The following KRABD5 variants were observed in gnomAD, a reference collection of about 807,000 sequenced individuals.
KRABD5 encodes KRAB domain containing 5.
At chr16:31,715,793 C>T in the KRABD5 span, among the ~76,000 whole-genome samples, 1 of 152,116 alleles carries the variant, frequency 6.6e-6, no homozygotes, top group African/African-American at 2.4e-5. Flanking sequence ...AAACTCCACA[C>T]AGTGTCATAA....
At chr16:31,757,087 GAGA>G in the KRABD5 span, 3 of 152,248 alleles carry the variant, frequency 2.0e-5, no homozygotes, top group African/African-American at 7.2e-5. Flanking sequence ...TGATTCATGT[GAGA>G]AGAATTATAT....
At chr16:31,738,730 T>G in the KRABD5 span, among the ~76,000 whole-genome samples, 1 of 152,126 alleles carries the variant, frequency 6.6e-6, no homozygotes. Flanking sequence ...TTGTTTTGGG[T>G]TTTGTATCTA....
At chr16:31,739,884 C>T in the KRABD5 span, among the ~76,000 whole-genome samples, 5 of 152,218 alleles carry the variant, frequency 3.3e-5, no homozygotes, top group Non-Finnish European at 7.3e-5. Flanking sequence ...ATTCTTAAAC[C>T]ACAAACAGTA....
chr16:31,755,725 G>A, the KRABD5 span: 11 of 374,912 alleles, frequency 2.9e-5, no homozygotes, highest in South Asian at 2.2e-4. Flanking sequence ...TATAGTTGTA[G>A]TAAATGTGAA....
chr16:31,723,350 C>A, the KRABD5 span: 2 of 1,611,090 alleles, frequency 1.2e-6, no homozygotes, highest in South Asian at 2.2e-5. Flanking sequence ...AGCCATCCAG[C>A]CAGGTAGGTG....
the KRABD5 span, among the ~76,000 whole-genome samples, chr16:31,732,224 AC>A: frequency 2.6e-5 from 4 of 152,164 alleles, no homozygotes; most frequent in African/African-American, 9.7e-5. Flanking sequence ...AGAAATTGTG[AC>A]CTGGATTGCA....
the KRABD5 span, among the ~76,000 whole-genome samples, chr16:31,722,064 GTTTT>G: frequency 8.7e-6 from 1 of 115,256 alleles, no homozygotes; most frequent in Non-Finnish European, 1.7e-5. Context: ...TTAGTTTTTT[GTTTT>G]TTGTTTTTTT....
chr16:31,734,731 C>T, the KRABD5 span, among the ~76,000 whole-genome samples: 1 of 151,314 alleles, frequency 6.6e-6, no homozygotes, highest in Non-Finnish European at 1.5e-5. Flanking sequence ...CTTATATCAG[C>T]TTTTTTTTCC....
chr16:31,749,088 C>T, the KRABD5 span, among the ~76,000 whole-genome samples: 2 of 152,236 alleles, frequency 1.3e-5, no homozygotes, highest in East Asian at 1.9e-4. Context: ...TCCACAGAGA[C>T]TGTTGTCACC....
At chr16:31,750,717 G>GT in the KRABD5 span, among the ~76,000 whole-genome samples, 3,158 of 147,272 alleles carry the variant, frequency 0.021, 54 homozygotes, top group Middle Eastern at 0.066. Context: ...TTGTTGAGGG[G>GT]TTTTTTTTTT....
the KRABD5 span, chr16:31,722,534 GT>G: frequency 1.3e-6 from 2 of 1,496,336 alleles, no homozygotes; most frequent in Non-Finnish European, 1.8e-6. Context: ...AAATCAGTCA[GT>G]TTTCTTAGCT....
At chr16:31,735,116 TTTTC>T in the KRABD5 span, among the ~76,000 whole-genome samples, 1 of 150,692 alleles carries the variant, frequency 6.6e-6, no homozygotes. Flanking sequence ...TTCTTTCTTT[TTTTC>T]TTTCTTTCTT....
the KRABD5 span, among the ~76,000 whole-genome samples, chr16:31,717,284 C>T: frequency 6.6e-6 from 1 of 152,188 alleles, no homozygotes; most frequent in East Asian, 1.9e-4. Flanking sequence ...GCGTGAGCCA[C>T]TGTGCCTGGC....
the KRABD5 span, among the ~76,000 whole-genome samples, chr16:31,747,262 T>G: frequency 6.6e-6 from 1 of 151,676 alleles, no homozygotes; most frequent in Non-Finnish European, 1.5e-5. Flanking sequence ...GTCCTTGCGA[T>G]AGTTTGCTGA....
chr16:31,716,353 T>G, the KRABD5 span, among the ~76,000 whole-genome samples: 2 of 152,108 alleles, frequency 1.3e-5, no homozygotes, highest in Non-Finnish European at 2.9e-5. Context: ...ATGTGAGAGT[T>G]CTTAGTAGCA....
the KRABD5 span, chr16:31,713,394 TC>T: frequency 1.3e-6 from 2 of 1,599,832 alleles, no homozygotes; most frequent in East Asian, 2.2e-5. Context: ...CACCGGGAGA[TC>T]CGTAGCTCAG....
chr16:31,723,280 C>T, the KRABD5 span: 7 of 1,613,948 alleles, frequency 4.3e-6, no homozygotes, highest in East Asian at 1.1e-4. Flanking sequence ...CTAAGCCGGA[C>T]CTGATCACCT....
chr16:31,747,635 A>C, the KRABD5 span, among the ~76,000 whole-genome samples: 1 of 152,148 alleles, frequency 6.6e-6, no homozygotes, highest in Non-Finnish European at 1.5e-5. Flanking sequence ...ATTTCTCCAC[A>C]TCCTCTCCAG....
the KRABD5 span, chr16:31,714,429 A>G: frequency 2.2e-6 from 1 of 456,232 alleles, no homozygotes; most frequent in South Asian, 1.5e-5. Context: ...TAGGATTGGC[A>G]GCACTCCCCA....
Sources: gnomAD v4.1 joint callset for allele counts (sites outside exome capture counted in the v4.1 genomes callset) on GRCh38, gnomAD v4.1.1 for gene constraint, MANE v1.5 for transcripts, NCBI Gene and HGNC (gene_info 2026-07-23, HGNC 2026-07-21) for gene names.